The following PSD2 variants were observed in gnomAD, a reference collection of about 807,000 sequenced individuals.
The protein encoded by PSD2 is PH and SEC7 domain-containing protein 2.
PSD2 carries 38 observed loss-of-function variants against 69.8 expected under a neutral mutation model. That is an observed-to-expected ratio of 0.54 (90% CI 0.42 to 0.71). PSD2 has a LOEUF of 0.71. Ranked by LOEUF, PSD2 falls within the 30% of genes least tolerant of loss-of-function variation. The pLI is 0.00. For missense variants in PSD2, 943 were observed against 1,014.5 expected, an observed-to-expected ratio of 0.93 and a Z score of 0.96; for synonymous variants, 412 against 423.0, an observed-to-expected ratio of 0.97 and a Z score of 0.32.
the PSD2 span, among the ~76,000 whole-genome samples, chr5:139,752,915 C>T: frequency 6.6e-6 from 1 of 151,990 alleles, no homozygotes; most frequent in East Asian, 1.9e-4. Context: ...ACAACCCTGG[C>T]CAGTCTTTGA....
chr5:139,841,032 A>G (rs1760858318), intron 14 of PSD2, among the ~76,000 whole-genome samples: 1 of 152,146 alleles, frequency 6.6e-6, no homozygotes, highest in Non-Finnish European at 1.5e-5. Context: ...GTACACATTA[A>G]ATAATAACTT....
the PSD2 span, among the ~76,000 whole-genome samples, chr5:139,753,101 C>CA: frequency 1.3e-5 from 2 of 152,182 alleles, no homozygotes; most frequent in Non-Finnish European, 2.9e-5. Context: ...CCACCATCAG[C>CA]AAACTCAGTG....
At position 139,839,947 on chromosome 5, in the gene PSD2, A is replaced by C; in HGVS notation, c.1969-80A>C. 6.6e-7 allele frequency: 1 copy of C among 1,509,048 alleles called. No homozygotes were observed. Among genetic ancestry groups the C allele is most frequent in the Non-Finnish European group, 9.1e-7 (1 of 1,096,676 alleles). The allele number at this position is 1,509,048 out of a possible 1,614,324, so 93.5% of individuals were successfully genotyped here. On this transcript the variant is annotated intron_variant, in intron 13 of 14. Transcript: ENST00000274710. The surrounding 1 kb of genome is among the most constrained non-coding windows in gnomAD (Gnocchi z 5.1). The stretch of plus-strand genomic sequence containing the variant: ...GGCCTTCATTTCCCTTTGGTGGAGC[A>C]GCTCCTGGTAGAACAGGATTTGAGC...
the PSD2 span, among the ~76,000 whole-genome samples, chr5:139,756,081 G>T: frequency 1.3e-5 from 2 of 152,160 alleles, no homozygotes; most frequent in Non-Finnish European, 2.9e-5. Context: ...CAGTCACGCT[G>T]CTCTGGGCTG....
intron 7 of PSD2, among the ~76,000 whole-genome samples, chr5:139,824,600 C>T (rs978054701): frequency 6.6e-6 from 1 of 152,004 alleles, no homozygotes; most frequent in African/African-American, 2.4e-5. Flanking sequence ...TCTCTCTTTA[C>T]GTGGTACTGC....
At chr5:139,766,880 TTTCTTTCC>T in the PSD2 span, among the ~76,000 whole-genome samples, 2 of 148,504 alleles carry the variant, frequency 1.3e-5, no homozygotes, top group Admixed American at 6.7e-5. Flanking sequence ...TCTTTCTTTC[TTTCTTTCC>T]TTCTTTCCCT....
chr5:139,781,603 G>T, the PSD2 span, among the ~76,000 whole-genome samples: 1 of 151,066 alleles, frequency 6.6e-6, no homozygotes, highest in African/African-American at 2.4e-5. Flanking sequence ...CCAAAGTGCT[G>T]GGATTACAGG....
At chr5:139,820,639 C>G (rs1760236486) in intron 5 of PSD2, among the ~76,000 whole-genome samples, 1 of 152,172 alleles carries the variant, frequency 6.6e-6, no homozygotes, top group Non-Finnish European at 1.5e-5. Flanking sequence ...AAAAAACCAT[C>G]TTCTGAACTC....
At chr5:139,766,906 TCCCTTCCTTCC>T in the PSD2 span, among the ~76,000 whole-genome samples, 1 of 63,604 alleles carries the variant, frequency 1.6e-5, no homozygotes, top group East Asian at 4.6e-4. Context: ...CCTCTTTCCC[TCCCTTCCTTCC>T]TTCCTTCCTT....
At chr5:139,831,863 T>G (rs1760605048) in intron 7 of PSD2, among the ~76,000 whole-genome samples, 1 of 152,198 alleles carries the variant, frequency 6.6e-6, no homozygotes, top group African/African-American at 2.4e-5. Context: ...AATTTCAACT[T>G]TTATGTTGAA....
At chr5:139,789,510 C>G in the PSD2 span, among the ~76,000 whole-genome samples, 1 of 152,174 alleles carries the variant, frequency 6.6e-6, no homozygotes, top group South Asian at 2.1e-4. Flanking sequence ...CCTGGGAGGT[C>G]AAGGCTGTAG....
chr5:139,748,713 T>A, the PSD2 span, among the ~76,000 whole-genome samples: 1 of 152,212 alleles, frequency 6.6e-6, no homozygotes, highest in Admixed American at 6.5e-5. Context: ...GGAGGGGCGC[T>A]GAGCCCCCGG....
At chr5:139,790,194 G>A in the PSD2 span, among the ~76,000 whole-genome samples, 7 of 152,122 alleles carry the variant, frequency 4.6e-5, no homozygotes, top group African/African-American at 1.4e-4. Context: ...TGTGGCAGGA[G>A]GATCACTTGA....
chr5:139,754,720 TA>T, the PSD2 span, among the ~76,000 whole-genome samples: 1 of 150,074 alleles, frequency 6.7e-6, no homozygotes, highest in Non-Finnish European at 1.5e-5. Flanking sequence ...TAAAATAAGT[TA>T]AAAAAAATTA....
chr5:139,748,907 T>TG, the PSD2 span, among the ~76,000 whole-genome samples: 1,884 of 146,914 alleles, frequency 0.013, 26 homozygotes, highest in African/African-American at 0.027. Context: ...TGGGGTATGT[T>TG]GGGGGGGGTG....
At chr5:139,768,143 C>T in the PSD2 span, among the ~76,000 whole-genome samples, 4 of 152,216 alleles carry the variant, frequency 2.6e-5, no homozygotes, top group Admixed American at 6.5e-5. Context: ...GGCCTTGCCC[C>T]GGAACCTGGA....
intron 7 of PSD2, among the ~76,000 whole-genome samples, chr5:139,823,522 C>T (rs1298502364): frequency 6.6e-6 from 1 of 152,142 alleles, no homozygotes. Context: ...AAATCCAGGG[C>T]ATATGGGGGT....
chr5:139,767,622 T>G, the PSD2 span, among the ~76,000 whole-genome samples: 1 of 152,124 alleles, frequency 6.6e-6, no homozygotes, highest in Non-Finnish European at 1.5e-5. Flanking sequence ...GCCCCTCCTG[T>G]CTTTGTAAGC....
chr5:139,811,091 G>C (rs778297373), intron 2 of PSD2, among the ~76,000 whole-genome samples: 22 of 152,092 alleles, frequency 1.4e-4, no homozygotes, highest in Non-Finnish European at 2.2e-4. Flanking sequence ...GCTGACTTTG[G>C]GTATTTGCCC....
Sources: gnomAD v4.1 joint callset for allele counts (sites outside exome capture counted in the v4.1 genomes callset) on GRCh38, gnomAD v4.1.1 for gene constraint, Gnocchi (gnomAD v3.1) non-coding constraint, MANE v1.5 for transcripts, NCBI Gene and HGNC (gene_info 2026-07-23, HGNC 2026-07-21) for gene names.